PLCB1: variants seen among roughly 807,000 people sequenced by gnomAD.
PLCB1 encodes 1-phosphatidylinositol 4,5-bisphosphate phosphodiesterase beta-1.
Under a neutral mutation model 161.8 loss-of-function variants are expected in PLCB1, and 46 were observed. The observed-to-expected ratio is 0.28, with a 90% CI of 0.22 to 0.36. PLCB1 has a LOEUF of 0.36. Among genes scored for constraint, PLCB1 ranks in the 10% least tolerant of loss-of-function variants. The pLI, the probability that PLCB1 is intolerant of heterozygous loss-of-function variation, is 1.00. For missense variants in PLCB1, 1,016 were observed against 1,472.5 expected (o/e 0.69, Z 5.07); for synonymous variants, 517 against 503.7 (o/e 1.03, Z -0.35).
intron 2 of PLCB1, among the ~76,000 whole-genome samples, chr20:8,156,231 A>G (rs1028153168): frequency 6.6e-6 from 1 of 152,196 alleles, no homozygotes; most frequent in Non-Finnish European, 1.5e-5. Context: ...CAGTGGATAA[A>G]TACCACAGCT....
chr20:8,281,343 T>A (rs1600284725), intron 2 of PLCB1, among the ~76,000 whole-genome samples: 1 of 64,760 alleles, frequency 1.5e-5, no homozygotes, highest in Non-Finnish European at 2.7e-5. Context: ...TTTTAATACA[T>A]TTTTTTCTGT....
intron 26 of PLCB1, among the ~76,000 whole-genome samples, chr20:8,765,911 T>C (rs1432199144): frequency 1.3e-5 from 2 of 152,168 alleles, no homozygotes; most frequent in African/African-American, 4.8e-5. Context: ...ACTCCTGGCC[T>C]CAAGCGATCT....
chr20:8,486,416 A>T (rs867872368), intron 3 of PLCB1, among the ~76,000 whole-genome samples: 1 of 152,082 alleles, frequency 6.6e-6, no homozygotes, highest in African/African-American at 2.4e-5. Context: ...ATTCAGAAAG[A>T]TAAAATATCA....
chr20:8,240,512 G>T (rs1361645239), intron 2 of PLCB1, among the ~76,000 whole-genome samples: 1 of 151,626 alleles, frequency 6.6e-6, no homozygotes, highest in Non-Finnish European at 1.5e-5. Flanking sequence ...CTCCTTAAAT[G>T]GATATTTGGC....
intron 3 of PLCB1, among the ~76,000 whole-genome samples, chr20:8,510,106 G>A (rs1016323885): frequency 2.6e-5 from 4 of 152,170 alleles, no homozygotes; most frequent in African/African-American, 9.6e-5. Context: ...GGTGATAAGG[G>A]ACAAAAAGCC....
At chr20:8,468,117 A>G (rs79504142) in intron 3 of PLCB1, among the ~76,000 whole-genome samples, 87 of 152,296 alleles carry the variant, frequency 5.7e-4, no homozygotes, top group African/African-American at 2.0e-3. Context: ...AAGCAAAACT[A>G]ATAAATGGTC....
chr20:8,383,394 T>C (rs917395775), intron 3 of PLCB1, among the ~76,000 whole-genome samples: 5 of 152,220 alleles, frequency 3.3e-5, no homozygotes, highest in African/African-American at 1.2e-4. Flanking sequence ...TTGGTAAATT[T>C]TCCTCCATCA....
chr20:8,466,934 TTC>T (rs1400874158), intron 3 of PLCB1, among the ~76,000 whole-genome samples: 1 of 152,044 alleles, frequency 6.6e-6, no homozygotes, highest in Non-Finnish European at 1.5e-5. Flanking sequence ...TAGGAATACT[TTC>T]TCTTTCTTTT....
intron 2 of PLCB1, chr20:8,256,964 A>C (rs1981452729): frequency 6.6e-6 from 1 of 152,184 alleles, no homozygotes; most frequent in South Asian, 2.1e-4. Flanking sequence ...GAGCATTGTG[A>C]ATCTTGTGTT....
Position 8,181,165 on chromosome 20 carries a change from C to T in PLCB1, c.177+30794C>T, listed in dbSNP as rs769521685. Among the ~76,000 whole-genome samples the T allele has an allele frequency of 4.0e-4, 60 of 148,198 alleles. 1 individual carries two copies. Among genetic ancestry groups the T allele is most frequent in the Non-Finnish European group, 7.7e-4 (52 of 67,482 alleles). On this transcript the variant is annotated intron_variant, in intron 2 of 31. Coordinates refer to ENST00000338037, the MANE Select transcript of PLCB1 (RefSeq NM_015192.4). ...TCGGGAGGCTGAGGCAGGAGAATTG[C>T]TTGACCCTGGGAGGCGGAGGTTGCA...
Position 8,168,305 on chromosome 20 carries a change from A to C in PLCB1, c.177+17934A>C, listed in dbSNP as rs568889632. 3.3e-5 allele frequency among the ~76,000 whole-genome samples: 5 copies of C among 152,350 alleles called. No homozygotes were observed. In the South Asian group the frequency reaches 1.0e-3, roughly 32 times the overall value. ...ATACAAAAAAGTAATTTCTTCTTCA[A>C]ATTAGTAGAAGATTGTCTCTCTGAT... is the stretch of plus-strand genomic sequence containing the variant. On this transcript the variant is annotated intron_variant, in intron 2 of 31. Coordinates refer to ENST00000338037, the MANE Select transcript of PLCB1 (RefSeq NM_015192.4).
intron 31 of PLCB1, among the ~76,000 whole-genome samples, chr20:8,804,044 C>T (rs1242472624): frequency 6.6e-6 from 1 of 152,028 alleles, no homozygotes; most frequent in African/African-American, 2.4e-5. Flanking sequence ...CCGCCTGCCT[C>T]AGGCTCCCAA....
chr20:8,513,453 A>G (rs1273514924), intron 3 of PLCB1, among the ~76,000 whole-genome samples: 1 of 152,208 alleles, frequency 6.6e-6, no homozygotes, highest in African/African-American at 2.4e-5. Flanking sequence ...GACAAATTAC[A>G]TTATTTTTAC....
intron 31 of PLCB1, among the ~76,000 whole-genome samples, chr20:8,827,906 A>G (rs918358530): frequency 2.6e-5 from 4 of 152,260 alleles, no homozygotes; most frequent in African/African-American, 9.6e-5. Flanking sequence ...TGTTCACACT[A>G]CAACAGCTGC....
At chr20:8,759,814 G>A (rs1293422360) in intron 24 of PLCB1, among the ~76,000 whole-genome samples, 6 of 151,594 alleles carry the variant, frequency 4.0e-5, no homozygotes, top group African/African-American at 4.9e-5. Context: ...AGAAGATGGC[G>A]ATAGCATTGC....
chr20:8,473,640 G>A (rs1480601718), intron 3 of PLCB1, among the ~76,000 whole-genome samples: 1 of 152,168 alleles, frequency 6.6e-6, no homozygotes, highest in Non-Finnish European at 1.5e-5. Flanking sequence ...GTGCAATAAT[G>A]TGAAGTAAAT....
At chr20:8,772,518 C>T (rs991161376) in intron 26 of PLCB1, among the ~76,000 whole-genome samples, 3 of 152,056 alleles carry the variant, frequency 2.0e-5, no homozygotes, top group Non-Finnish European at 2.9e-5. Flanking sequence ...CCGACTTACT[C>T]GGATACGAGT....
chr20:8,871,268 A>G (rs1987599803), intron 31 of PLCB1, among the ~76,000 whole-genome samples: 1 of 152,208 alleles, frequency 6.6e-6, no homozygotes, highest in South Asian at 2.1e-4. Context: ...ATACTTACAT[A>G]TATACCTGTA....
At chr20:8,614,073 A>G (rs1315867940) in intron 3 of PLCB1, among the ~76,000 whole-genome samples, 1 of 152,124 alleles carries the variant, frequency 6.6e-6, no homozygotes, top group Non-Finnish European at 1.5e-5. Flanking sequence ...AACTCTTTCT[A>G]CTCTAAAAGA....
Sources: allele counts gnomAD v4.1 joint callset (sites outside exome capture counted in the v4.1 genomes callset), GRCh38; gene constraint gnomAD v4.1.1; transcripts MANE v1.5; gene names NCBI Gene and HGNC (gene_info 2026-07-23, HGNC 2026-07-21).